CSMD3: variants seen among roughly 807,000 people sequenced by gnomAD.
CSMD3 encodes the protein CUB and sushi domain-containing protein 3.
In CSMD3, 177 loss-of-function variants were observed where a neutral mutation model predicts 435.2. The ratio of observed to expected loss-of-function variants is 0.41; its 90% confidence interval spans 0.36 to 0.46. The LOEUF (loss-of-function observed/expected upper bound fraction) is 0.46, where lower values mean the gene tolerates loss of function less well. Among genes scored for constraint, CSMD3 ranks in the 20% least tolerant of loss-of-function variants. The pLI is 0.34. For missense variants in CSMD3, 4,265 were observed against 4,504.6 expected (o/e 0.95, Z 1.52); for synonymous variants, 1,656 against 1,520.5 (o/e 1.09, Z -2.07).
intron 11 of CSMD3, among the ~76,000 whole-genome samples, chr8:112,849,072 T>C (rs2080409074): frequency 6.6e-6 from 1 of 152,140 alleles, no homozygotes; most frequent in Admixed American, 6.6e-5. Context: ...AATCAATACT[T>C]ATTCTTTTGA....
intron 22 of CSMD3, 72 bp downstream of exon 22, chr8:112,636,745 G>T: frequency 2.4e-6 from 3 of 1,235,426 alleles, no homozygotes; most frequent in Non-Finnish European, 3.6e-6. Context: ...TATAAAGAAC[G>T]AAGGGTGTAA....
In CSMD3 at chr8:112,586,977, C is replaced by CGT. The variant is rs1182452839; in HGVS notation, c.3885+88_3885+89insAC. ...TTACGGTTAATACTATATACATACA[C>CGT]ATATATATATAGATGTATATATTTA... On this transcript the variant is annotated intron_variant, in intron 23 of 70. Transcript: ENST00000297405. 8 of 840,896 alleles carry CGT rather than the reference C, an allele frequency of 9.5e-6. No individual in the cohort carries two copies. The African/African-American group carries it at 1.0e-4, about 11-fold the overall frequency. The allele number at this position is 840,896 out of a possible 1,614,324, so 52.1% of individuals were successfully genotyped here.
chr8:112,439,239 C>G (rs993705445), intron 32 of CSMD3, among the ~76,000 whole-genome samples: 1 of 152,128 alleles, frequency 6.6e-6, no homozygotes, highest in African/African-American at 2.4e-5. Flanking sequence ...CTTCTGGGTT[C>G]ACGCCATTCT....
At chr8:112,606,972 G>GAAAAAAAAAAAAAAA (rs71309778) in intron 22 of CSMD3, among the ~76,000 whole-genome samples, 2 of 36,638 alleles carry the variant, frequency 5.5e-5, no homozygotes, top group Non-Finnish European at 4.7e-5. Context: ...CTCAAGCTAT[G>GAAAAAAAAAAAAAAA]AAAAAAAAAA....
chr8:112,988,724 A>G (rs2085342606), intron 6 of CSMD3, among the ~76,000 whole-genome samples: 1 of 151,902 alleles, frequency 6.6e-6, no homozygotes, highest in South Asian at 2.1e-4. Flanking sequence ...CATCAATTTA[A>G]TTTTTCATGG....
At chr8:113,026,487 AATTTATGATTAGCC>A (rs1426818785) in intron 5 of CSMD3, among the ~76,000 whole-genome samples, 1 of 152,166 alleles carries the variant, frequency 6.6e-6, no homozygotes, top group Non-Finnish European at 1.5e-5. Context: ...CTGACCACAA[AATTTATGATTAGCC>A]ATTTATTACT....
chr8:113,302,151 T>C (rs1330747937), intron 2 of CSMD3, among the ~76,000 whole-genome samples: 1 of 149,354 alleles, frequency 6.7e-6, no homozygotes, highest in Non-Finnish European at 1.5e-5. Context: ...CTTCAGTCTC[T>C]TGAAATCCTG....
chr8:112,648,647 T>A (rs557431540), intron 19 of CSMD3, among the ~76,000 whole-genome samples: 1 of 152,300 alleles, frequency 6.6e-6, no homozygotes, highest in East Asian at 1.9e-4. Context: ...GGGCCTGTGC[T>A]GCTCCTGGGA....
At chr8:113,422,750 CG>C (rs1437785880) in intron 1 of CSMD3, among the ~76,000 whole-genome samples, 3 of 151,638 alleles carry the variant, frequency 2.0e-5, no homozygotes, top group African/African-American at 4.8e-5. Context: ...AAGAGAGAGA[CG>C]AAAAAAAATG....
chr8:112,983,139 A>C (rs569001949), intron 6 of CSMD3, among the ~76,000 whole-genome samples: 2 of 152,066 alleles, frequency 1.3e-5, no homozygotes, highest in African/African-American at 4.8e-5. Flanking sequence ...AGAAAGGAGA[A>C]AAGTAAAGAA....
intron 37 of CSMD3, among the ~76,000 whole-genome samples, chr8:112,381,227 T>C (rs1405848206): frequency 6.6e-6 from 1 of 152,188 alleles, no homozygotes; most frequent in African/African-American, 2.4e-5. Context: ...GCAAAGCTGG[T>C]AGTCAGCTTT....
chr8:113,383,885 C>A, intron 1 of CSMD3, among the ~76,000 whole-genome samples: 1 of 152,022 alleles, frequency 6.6e-6, no homozygotes, highest in East Asian at 1.9e-4. Flanking sequence ...GGTGACCACA[C>A]CTTCTCACTT....
In CSMD3 at chr8:113,206,003, T is replaced by A. The variant is rs1588273265; in HGVS notation, c.515-32087A>T. On this transcript the variant is annotated intron_variant, in intron 3 of 70. Coordinates refer to ENST00000297405, the MANE Select transcript of CSMD3 (RefSeq NM_198123.2). ...GCCTGATGCCCTTTGTATTTAAAAT[T>A]GCATTGGACCACAGCTAAGCTCCTT... Among the ~76,000 whole-genome samples the A allele has an allele frequency of 2.6e-5, 4 of 152,196 alleles. No homozygotes were observed. In the South Asian group the frequency reaches 8.3e-4, roughly 32 times the overall value.
At chr8:112,240,275 A>T (rs1458330946) in intron 66 of CSMD3, among the ~76,000 whole-genome samples, 3 of 152,054 alleles carry the variant, frequency 2.0e-5, no homozygotes, top group Non-Finnish European at 4.4e-5. Flanking sequence ...TATTTAATAT[A>T]TGAGCAATTT....
intron 11 of CSMD3, 96 bp downstream of exon 11, chr8:112,859,049 T>A: frequency 8.6e-7 from 1 of 1,161,246 alleles, no homozygotes; most frequent in Non-Finnish European, 1.3e-6. Flanking sequence ...CCTACTTGAG[T>A]TATAAATTTT....
At chr8:112,443,733 G>C (rs1038596921) in intron 32 of CSMD3, among the ~76,000 whole-genome samples, 2 of 152,042 alleles carry the variant, frequency 1.3e-5, no homozygotes, top group African/African-American at 2.4e-5. Context: ...GCTTCATTAA[G>C]GACAGGTAAT....
rs368395146 is a variant in CSMD3, at chr8:112,335,436, A to G, written c.7058T>C (p.Phe2353Ser). The part of the protein sequence containing the change: ...PDQNSPQIGQ[F>S]SGNTALESVY... ...TGATTCCAAAGCGGTATTGCCACTG[A>G]ACTGACCGATCTGAGGTGAATTTTG... The change falls in exon 45 of 71, where the codon TTC becomes TCC. Residue 2353 changes from phenylalanine (F) to serine (S), a missense_variant. Coordinates refer to ENST00000297405, the MANE Select transcript of CSMD3 (RefSeq NM_198123.2). 6.2e-7 allele frequency: 1 copy of G among 1,613,930 alleles called. No individual in the cohort carries two copies. The highest frequency in any genetic ancestry group is 1.3e-5 in the African/African-American group (1 of 74,928).
rs915334758 is a variant in CSMD3 at position 112,495,913 on chromosome 8, G to T, written c.5084-3230C>A. Among the ~76,000 whole-genome samples, 7 of 150,988 alleles carry T rather than the reference G, an allele frequency of 4.6e-5. No homozygotes were observed. In the East Asian group the frequency reaches 9.7e-4, roughly 21 times the overall value. ...AAATTATTTCTGCTGAATATAAATAGATGTATATGTATATATATATATTTA... is the reference window on the plus strand; with the variant it reads ...AAATTATTTCTGCTGAATATAAATATATGTATATGTATATATATATATTTA... On this transcript the variant is annotated intron_variant, in intron 30 of 70. Transcript: ENST00000297405.
At chr8:112,625,573 G>A (rs190105908) in intron 22 of CSMD3, among the ~76,000 whole-genome samples, 359 of 152,146 alleles carry the variant, frequency 2.4e-3, no homozygotes, top group African/African-American at 8.2e-3. Flanking sequence ...TGAAATAAAA[G>A]CTATCCATCA....
Sources: allele counts gnomAD v4.1 joint callset (sites outside exome capture counted in the v4.1 genomes callset), GRCh38; gene constraint gnomAD v4.1.1; transcripts MANE v1.5; gene names NCBI Gene and HGNC (gene_info 2026-07-23, HGNC 2026-07-21).